The following RASGRF2 variants were observed in gnomAD, a reference collection of about 807,000 sequenced individuals.
RASGRF2 encodes the protein Ras protein specific guanine nucleotide releasing factor 2.
A neutral mutation model predicts 151.0 loss-of-function variants in RASGRF2; 76 were observed. That is an observed-to-expected ratio of 0.50 (90% CI 0.42 to 0.61). The LOEUF is 0.61. Ranked by LOEUF, RASGRF2 falls within the 20% of genes least tolerant of loss-of-function variation. The pLI is 0.00. For synonymous variants in RASGRF2, 504 were observed against 566.5 expected, an observed-to-expected ratio of 0.89 and a Z score of 1.57; for missense variants, 1,148 against 1,564.6, an observed-to-expected ratio of 0.73 and a Z score of 4.49.
chr5:81,218,147 G>A (rs1005481213), intron 25 of RASGRF2, among the ~76,000 whole-genome samples: 1 of 152,278 alleles, frequency 6.6e-6, no homozygotes, highest in South Asian at 2.1e-4. Context: ...GCCTCCCAAA[G>A]TGCTGGGATT....
intron 2 of RASGRF2, among the ~76,000 whole-genome samples, chr5:81,056,953 C>G (rs1751236187): frequency 6.6e-6 from 1 of 152,094 alleles, no homozygotes; most frequent in South Asian, 2.1e-4. Context: ...ATTGCAACCC[C>G]TGCCTTTTTT....
chr5:81,171,105 T>C (rs1457429197), intron 17 of RASGRF2, among the ~76,000 whole-genome samples: 1 of 152,170 alleles, frequency 6.6e-6, no homozygotes, highest in Non-Finnish European at 1.5e-5. Context: ...TCTAAAATTA[T>C]CTAATTTGGC....
chr5:80,963,621 A>G (rs1012459131), intron 1 of RASGRF2, among the ~76,000 whole-genome samples: 1 of 152,222 alleles, frequency 6.6e-6, no homozygotes, highest in Non-Finnish European at 1.5e-5. Flanking sequence ...TTCAGAGATT[A>G]CCAGTGTTTG....
chr5:81,044,275 G>A (rs866477906), intron 2 of RASGRF2, among the ~76,000 whole-genome samples: 5 of 152,008 alleles, frequency 3.3e-5, no homozygotes, highest in Admixed American at 2.6e-4. Context: ...AAAATTAGCC[G>A]GGCATGGTGG....
At position 81,113,752 on chromosome 5, in the gene RASGRF2, A is replaced by G. The variant is rs889554641; in HGVS notation, c.2302A>G (p.Thr768Ala). The change falls in exon 15 of 27, where the codon ACC becomes GCC. Residue 768 changes from threonine (T) to alanine (A), a missense_variant. Coordinates refer to ENST00000265080, the MANE Select transcript of RASGRF2 (RefSeq NM_006909.3). Reference sequence around the variant, plus strand: ...CCTGACAACTTCCAGCAGTCCCACCACCACCACCCAGAGTCCCGCTGCGTC... The same window carrying G: ...CCTGACAACTTCCAGCAGTCCCACCGCCACCACCCAGAGTCCCGCTGCGTC... ...LDLTTSSSPTTTTQSPAASPP... is the reference protein window; with the variant it reads ...LDLTTSSSPTATTQSPAASPP... 1.2e-6 allele frequency: 2 copies of G among 1,613,940 alleles called. No homozygotes were observed. Among genetic ancestry groups the G allele is most frequent in the Non-Finnish European group, 1.7e-6 (2 of 1,180,016 alleles).
rs1397445931 is a variant in RASGRF2, at chr5:81,229,919, C to G, written c.*4149C>G. The G allele has an allele frequency of 6.6e-6, 1 of 152,268 alleles. No individual in the cohort carries two copies. The highest frequency in any genetic ancestry group is 2.4e-5 in the African/African-American group (1 of 41,476). The allele number at this position is 152,268 out of a possible 1,614,324, so 9.4% of individuals were successfully genotyped here. A position where few individuals can be genotyped will look rare whatever the true frequency, so the allele number is the denominator to read the frequency against. ...AAGTGCTGTCCGCACATGAGGTCATCTGATTACTGTCCTCAGATCTCTTTT... is the reference window on the plus strand; with the variant it reads ...AAGTGCTGTCCGCACATGAGGTCATGTGATTACTGTCCTCAGATCTCTTTT... On this transcript the variant is annotated 3_prime_UTR_variant, in exon 27 of 27. Transcript: ENST00000265080.
intron 1 of RASGRF2, among the ~76,000 whole-genome samples, chr5:81,040,961 G>A (rs1023612334): frequency 6.6e-5 from 10 of 152,134 alleles, no homozygotes; most frequent in African/African-American, 2.4e-4. Context: ...AAACTTTATA[G>A]GCTAGAGCAT....
intron 17 of RASGRF2, among the ~76,000 whole-genome samples, chr5:81,147,396 G>T (rs778119419): frequency 2.6e-5 from 4 of 152,144 alleles, no homozygotes; most frequent in Non-Finnish European, 5.9e-5. Context: ...TTAGGTGGAG[G>T]CAGCATCTGT....
intron 10 of RASGRF2, among the ~76,000 whole-genome samples, chr5:81,093,955 A>G (rs1752465077): frequency 6.6e-6 from 1 of 152,068 alleles, no homozygotes; most frequent in Non-Finnish European, 1.5e-5. Flanking sequence ...ACAGCTTTCT[A>G]CTGCTTAAGC....
At chr5:81,082,751 C>T (rs1298712439) in intron 7 of RASGRF2, among the ~76,000 whole-genome samples, 1 of 152,190 alleles carries the variant, frequency 6.6e-6, no homozygotes, top group Non-Finnish European at 1.5e-5. Flanking sequence ...CTGGCTTTTG[C>T]CAGACAAGTC....
chr5:81,020,749 G>A (rs545668841), intron 1 of RASGRF2, among the ~76,000 whole-genome samples: 78 of 152,302 alleles, frequency 5.1e-4, no homozygotes, highest in Non-Finnish European at 1.8e-4. Context: ...GTGCGGAATG[G>A]CCCAGGGATG....
intron 10 of RASGRF2, among the ~76,000 whole-genome samples, chr5:81,093,262 T>C (rs1225715584): frequency 6.6e-6 from 1 of 152,260 alleles, no homozygotes; most frequent in East Asian, 1.9e-4. Context: ...TATATACTAG[T>C]TGACAACTAC....
chr5:81,216,385 A>G (rs1232981860), intron 24 of RASGRF2, among the ~76,000 whole-genome samples: 2 of 148,404 alleles, frequency 1.3e-5, no homozygotes, highest in Non-Finnish European at 3.0e-5. Flanking sequence ...ACACACACAC[A>G]AACACACACA....
At chr5:81,067,222 A>G (rs1184551547) in intron 2 of RASGRF2, among the ~76,000 whole-genome samples, 2 of 152,188 alleles carry the variant, frequency 1.3e-5, no homozygotes, top group Admixed American at 6.5e-5. Flanking sequence ...ATAAATAGTA[A>G]CTATCATGAA....
At chr5:81,096,954 T>G (rs1427917827) in intron 12 of RASGRF2, among the ~76,000 whole-genome samples, 1 of 104,906 alleles carries the variant, frequency 9.5e-6, no homozygotes, top group Non-Finnish European at 1.9e-5. Context: ...CTGTTTTTTT[T>G]GTTTGTTTGT....
Position 81,068,846 on chromosome 5 carries a change from T to A in RASGRF2, c.543+667T>A, listed in dbSNP as rs1751690405. The stretch of plus-strand genomic sequence containing the variant: ...CTGAGTCCTCCCTCCCTCCCAGGCC[T>A]CAGTCTAGATAGAGAATCCTGAATG... On this transcript the variant is annotated intron_variant, in intron 3 of 26. Coordinates refer to ENST00000265080, the MANE Select transcript of RASGRF2 (RefSeq NM_006909.3). Among the ~76,000 whole-genome samples the A allele has an allele frequency of 2.6e-5, 4 of 152,132 alleles. No homozygotes were observed. In the South Asian group the frequency reaches 8.3e-4, roughly 32 times the overall value.
At chr5:80,961,118 A>G in intron 1 of RASGRF2, 92 bp downstream of exon 1, 2 of 1,345,498 alleles carry the variant, frequency 1.5e-6, no homozygotes, top group Middle Eastern at 2.8e-4. Flanking sequence ...GGGGTCGTGA[A>G]AGAGTGCGGG....
At chr5:81,099,317 A>T (rs1418161900) in intron 12 of RASGRF2, among the ~76,000 whole-genome samples, 1 of 152,206 alleles carries the variant, frequency 6.6e-6, no homozygotes, top group African/African-American at 2.4e-5. Flanking sequence ...ATTCAGCTGC[A>T]TTATATTAAA....
rs777119319 is a variant in RASGRF2 at position 81,043,008 on chromosome 5, G to A, written c.395+25G>A. ...GGTATAGGCTCAGTCTTCCTGTGTA[G>A]TACTTGATTGTCTGGGTCCTGCATT... On this transcript the variant is annotated intron_variant, in intron 2 of 26. Coordinates refer to ENST00000265080, the MANE Select transcript of RASGRF2 (RefSeq NM_006909.3). The A allele has an allele frequency of 4.5e-5, 69 of 1,548,494 alleles. 2 individuals carry two copies. The South Asian group carries it at 7.3e-4, about 16-fold the overall frequency.
Sources: gnomAD v4.1 joint callset for allele counts (sites outside exome capture counted in the v4.1 genomes callset) on GRCh38, gnomAD v4.1.1 for gene constraint, MANE v1.5 for transcripts, NCBI Gene and HGNC (gene_info 2026-07-23, HGNC 2026-07-21) for gene names.